LRRC18: variants seen among roughly 807,000 people sequenced by gnomAD.
The protein encoded by LRRC18 is leucine-rich repeat-containing protein 18.
Under a neutral mutation model 11.2 loss-of-function variants are expected in LRRC18, and 12 were observed. That is an observed-to-expected ratio of 1.07 (90% CI 0.69 to 1.74). LRRC18 has a LOEUF of 1.74. LRRC18 is among the 40% of genes most tolerant of loss of function. LRRC18 has a pLI of 0.00. For missense variants in LRRC18, 374 were observed against 330.5 expected, an observed-to-expected ratio of 1.13 and a Z score of -1.02; for synonymous variants, 155 against 130.6, an observed-to-expected ratio of 1.19 and a Z score of -1.27.
At chr10:48,933,016 G>A in the LRRC18 span, among the ~76,000 whole-genome samples, 1 of 152,148 alleles carries the variant, frequency 6.6e-6, no homozygotes, top group African/African-American at 2.4e-5. Flanking sequence ...GGATAACGCT[G>A]GCCGTGGGGA....
At chr10:48,915,346 C>T (rs546379795), upstream of LRRC18, among the ~76,000 whole-genome samples, 14 of 152,054 alleles carry the variant, frequency 9.2e-5, no homozygotes, top group East Asian at 1.2e-3. Context: ...AGGAAGAGGA[C>T]GCAACTCTGT....
At chr10:48,927,236 C>G in the LRRC18 span, among the ~76,000 whole-genome samples, 1 of 152,188 alleles carries the variant, frequency 6.6e-6, no homozygotes, top group East Asian at 1.9e-4. Flanking sequence ...ACCCTCCCCC[C>G]TGCTTCCACA....
chr10:48,928,597 C>A, the LRRC18 span, among the ~76,000 whole-genome samples: 1 of 152,152 alleles, frequency 6.6e-6, no homozygotes, highest in Non-Finnish European at 1.5e-5. Context: ...ACACATTGCT[C>A]CTTTGAGCTG....
the LRRC18 span, among the ~76,000 whole-genome samples, chr10:48,920,734 T>A: frequency 2.0e-5 from 3 of 152,210 alleles, no homozygotes; most frequent in South Asian, 6.2e-4. Context: ...TATGCACAGA[T>A]GTCATGACTG....
chr10:48,936,746 G>A, the LRRC18 span, among the ~76,000 whole-genome samples: 121 of 150,750 alleles, frequency 8.0e-4, no homozygotes, highest in African/African-American at 2.8e-3. Context: ...GCTGAGGCAG[G>A]AGAATCGCTT....
the LRRC18 span, among the ~76,000 whole-genome samples, chr10:48,938,389 G>A: frequency 6.6e-6 from 1 of 152,370 alleles, no homozygotes; most frequent in African/African-American, 2.4e-5. Flanking sequence ...AGAGGGTGCA[G>A]CCTTTAGCCA....
chr10:48,928,931 G>C, the LRRC18 span, among the ~76,000 whole-genome samples: 147,358 of 152,314 alleles, frequency 0.97, 71,473 homozygotes, highest in East Asian at 1. Context: ...AGGCAGCAAA[G>C]AAAATGAAGG....
At chr10:48,911,932 T>C (rs3860191) in intron 1 of LRRC18, among the ~76,000 whole-genome samples, 61,682 of 152,124 alleles carry the variant, frequency 0.41, 12,989 homozygotes, top group East Asian at 0.72. Flanking sequence ...AAATGAAATG[T>C]GCTGTGTGCT....
chr10:48,939,606 G>A, the LRRC18 span, among the ~76,000 whole-genome samples: 2 of 152,228 alleles, frequency 1.3e-5, no homozygotes, highest in African/African-American at 4.8e-5. Context: ...GATGGATGAT[G>A]CGGTTTATTA....
At chr10:48,910,204 C>T in exon 2 of LRRC18, 2 of 1,313,288 alleles carry the variant, frequency 1.5e-6, no homozygotes, top group Non-Finnish European at 2.1e-6. Context: ...ATTCTGTTAG[C>T]TGAGTAGTCT....
At chr10:48,930,715 A>G in the LRRC18 span, among the ~76,000 whole-genome samples, 1 of 152,210 alleles carries the variant, frequency 6.6e-6, no homozygotes, top group Non-Finnish European at 1.5e-5. Context: ...CAACCCAAAT[A>G]TCTAACAATA....
rs192446523 is a variant in LRRC18 at position 48,910,216 on chromosome 10, C to T, written c.*21G>A. 2.1e-5 allele frequency: 28 copies of T among 1,330,868 alleles called. No individual in the cohort carries two copies. In the African/African-American group the frequency reaches 3.8e-4, roughly 18 times the overall value. 82.4% of individuals were successfully genotyped at this position (1,330,868 alleles called of 1,614,324 possible). On this transcript the variant is annotated 3_prime_UTR_variant, in exon 2 of 2. Coordinates refer to ENST00000374160, the Ensembl canonical transcript of LRRC18. ...TTTATTCTGTTAGCTGAGTAGTCTT[C>T]AAGATTTTGCCACAGCTACTCTAGG... is the stretch of plus-strand genomic sequence containing the variant.
chr10:48,913,469 C>T (rs375365791), exon 1 of LRRC18: 60 of 1,606,574 alleles, frequency 3.7e-5, no homozygotes, highest in Non-Finnish European at 4.8e-5. Context: ...TCGGTGTCGT[C>T]GTGGCCATGT....
chr10:48,928,198 G>A, the LRRC18 span, among the ~76,000 whole-genome samples: 1 of 152,316 alleles, frequency 6.6e-6, no homozygotes, highest in East Asian at 1.9e-4. Flanking sequence ...GCTGTAGTGG[G>A]TGTGCCCAGC....
the LRRC18 span, among the ~76,000 whole-genome samples, chr10:48,933,826 A>G: frequency 6.6e-6 from 1 of 152,118 alleles, no homozygotes; most frequent in Non-Finnish European, 1.5e-5. Flanking sequence ...TGGAAACATC[A>G]TCTAGCTTTC....
chr10:48,915,458 A>C (rs780911620), upstream of LRRC18, among the ~76,000 whole-genome samples: 1 of 151,856 alleles, frequency 6.6e-6, no homozygotes, highest in South Asian at 2.1e-4. Context: ...AGGCAGAAGT[A>C]TGCCCTTGGG....
chr10:48,930,968 G>A, the LRRC18 span, among the ~76,000 whole-genome samples: 1 of 152,028 alleles, frequency 6.6e-6, no homozygotes, highest in African/African-American at 2.4e-5. Flanking sequence ...TGAAGGGACG[G>A]TACTGGACTC....
chr10:48,925,479 A>G, the LRRC18 span, among the ~76,000 whole-genome samples: 1 of 152,210 alleles, frequency 6.6e-6, no homozygotes, highest in Non-Finnish European at 1.5e-5. Context: ...TGGGCCCGAA[A>G]TTGTGTGCTG....
At chr10:48,914,063 G>T (rs1272415891) in exon 1 of LRRC18, 6 of 1,614,142 alleles carry the variant, frequency 3.7e-6, no homozygotes, top group East Asian at 2.2e-5. Context: ...TCAAGTCAAG[G>T]CGCTTTTTCC....
Sources: gnomAD v4.1 joint callset for allele counts (sites outside exome capture counted in the v4.1 genomes callset) on GRCh38, gnomAD v4.1.1 for gene constraint, MANE v1.5 for transcripts, NCBI Gene and HGNC (gene_info 2026-07-23, HGNC 2026-07-21) for gene names.